The following MAGI2 variants were observed in gnomAD, a reference collection of about 807,000 sequenced individuals.
The protein encoded by MAGI2 is membrane associated guanylate kinase, WW and PDZ domain containing 2, also known as membrane-associated guanylate kinase, WW and PDZ domain-containing protein 2.
In MAGI2, 35 loss-of-function variants were observed where a neutral mutation model predicts 133.3. That is an observed-to-expected ratio of 0.26 (90% CI 0.20 to 0.35). The LOEUF (loss-of-function observed/expected upper bound fraction) is 0.35. Among genes scored for constraint, MAGI2 ranks in the 10% least tolerant of loss-of-function variants. The pLI is 1.00. For missense variants in MAGI2, 1,636 were observed against 1,863.4 expected (o/e 0.88, Z 2.25); for synonymous variants, 729 against 710.6 (o/e 1.03, Z -0.41).
intron 18 of MAGI2, among the ~76,000 whole-genome samples, chr7:78,129,900 A>G (rs1171763934): frequency 7.4e-6 from 1 of 135,726 alleles, no homozygotes; most frequent in African/African-American, 2.8e-5. Context: ...GCACCGTTGC[A>G]CTCCAGCCTG....
chr7:79,284,583 T>C (rs1835871425), intron 1 of MAGI2, among the ~76,000 whole-genome samples: 2 of 152,256 alleles, frequency 1.3e-5, no homozygotes, highest in African/African-American at 2.4e-5. Flanking sequence ...CATTAAATCA[T>C]AATGAAAATA....
At chr7:79,284,754 T>C (rs1179572878) in intron 1 of MAGI2, among the ~76,000 whole-genome samples, 1 of 152,116 alleles carries the variant, frequency 6.6e-6, no homozygotes, top group African/African-American at 2.4e-5. Flanking sequence ...CCAGAATCAT[T>C]TGCATACATA....
chr7:78,685,145 TCTC>T (rs1352551888), intron 2 of MAGI2, among the ~76,000 whole-genome samples: 1 of 152,192 alleles, frequency 6.6e-6, no homozygotes, highest in Admixed American at 6.5e-5. Context: ...TTTAATACCT[TCTC>T]CTGTCTGATT....
intron 6 of MAGI2, among the ~76,000 whole-genome samples, chr7:78,401,097 A>G (rs1453136352): frequency 3.9e-5 from 6 of 152,120 alleles, no homozygotes; most frequent in African/African-American, 1.4e-4. Context: ...CTAACTCTCA[A>G]GAGCCTTAGC....
At chr7:78,523,015 G>A (rs1021221520) in intron 3 of MAGI2, among the ~76,000 whole-genome samples, 1 of 152,110 alleles carries the variant, frequency 6.6e-6, no homozygotes, top group Non-Finnish European at 1.5e-5. Flanking sequence ...CAGGAAATAG[G>A]AGAAAGCACT....
intron 3 of MAGI2, among the ~76,000 whole-genome samples, chr7:78,560,472 T>C (rs1490864467): frequency 6.6e-6 from 1 of 152,182 alleles, no homozygotes; most frequent in Non-Finnish European, 1.5e-5. Context: ...TGGCAAAACG[T>C]AATCATTGGA....
chr7:78,955,700 C>T (rs916932198), intron 2 of MAGI2, among the ~76,000 whole-genome samples: 14 of 55,196 alleles, frequency 2.5e-4, no homozygotes, highest in African/African-American at 1.2e-3. Flanking sequence ...TTTCTCTCTC[C>T]CTTTCTTTCT....
chr7:79,245,448 C>T lies in MAGI2; in HGVS notation c.301+207572G>A, dbSNP rs776292822. Among the ~76,000 whole-genome samples the T allele has an allele frequency of 5.3e-5, 8 of 152,100 alleles. No homozygotes were observed. The South Asian group carries it at 6.2e-4, about 12-fold the overall frequency. On this transcript the variant is annotated intron_variant, in intron 1 of 21. Transcript: ENST00000354212. Reference sequence around the variant, plus strand: ...CCTGGCATCATTCACCAGAAGCTGACGGAAGGGCCCTTGGTCCTTGAATGA... The same window carrying T: ...CCTGGCATCATTCACCAGAAGCTGATGGAAGGGCCCTTGGTCCTTGAATGA...
intron 21 of MAGI2, among the ~76,000 whole-genome samples, chr7:78,071,901 G>A (rs1457718478): frequency 6.6e-6 from 1 of 152,208 alleles, no homozygotes; most frequent in African/African-American, 2.4e-5. Flanking sequence ...AAATGCAGGT[G>A]AATTAGTGCC....
chr7:78,481,181 T>C (rs1792332591), intron 6 of MAGI2, among the ~76,000 whole-genome samples: 1 of 151,958 alleles, frequency 6.6e-6, no homozygotes, highest in Non-Finnish European at 1.5e-5. Context: ...AACAACTTCC[T>C]GAGACTGGGT....
intron 3 of MAGI2, among the ~76,000 whole-genome samples, chr7:78,547,746 C>G (rs1411203894): frequency 6.6e-6 from 1 of 152,202 alleles, no homozygotes; most frequent in Non-Finnish European, 1.5e-5. Flanking sequence ...ACTGGAGTAT[C>G]CAGAGAAAAC....
At chr7:79,415,993 G>GA (rs1026341269) in intron 1 of MAGI2, among the ~76,000 whole-genome samples, 1 of 151,964 alleles carries the variant, frequency 6.6e-6, no homozygotes, top group Non-Finnish European at 1.5e-5. Flanking sequence ...TCGACAGCAA[G>GA]AAAAAAGAGT....
intron 2 of MAGI2, among the ~76,000 whole-genome samples, chr7:78,753,313 A>G (rs962388709): frequency 6.6e-6 from 1 of 152,158 alleles, no homozygotes; most frequent in African/African-American, 2.4e-5. Flanking sequence ...AGAGTAAAAA[A>G]TTTAGTATCT....
intron 2 of MAGI2, among the ~76,000 whole-genome samples, chr7:78,711,517 T>C (rs1819187121): frequency 6.6e-6 from 1 of 152,168 alleles, no homozygotes; most frequent in Non-Finnish European, 1.5e-5. Flanking sequence ...TTCCATTTTG[T>C]TCTTTTTTCC....
chr7:78,617,982 TTTTC>T (rs1807293000), intron 3 of MAGI2: 3 of 151,998 alleles, frequency 2.0e-5, no homozygotes, highest in African/African-American at 7.2e-5. Context: ...ATGTCTGCGG[TTTTC>T]TTTTTCAGAT....
At chr7:79,315,040 A>T (rs574857467) in intron 1 of MAGI2, among the ~76,000 whole-genome samples, 1 of 152,082 alleles carries the variant, frequency 6.6e-6, no homozygotes. Context: ...TTTGAGCTGG[A>T]TTTTCTATCA....
chr7:78,585,693 A>G (rs1408123226), intron 3 of MAGI2, among the ~76,000 whole-genome samples: 5 of 152,218 alleles, frequency 3.3e-5, no homozygotes, highest in South Asian at 4.1e-4. Context: ...CAATGGCAGC[A>G]TTATGTCTAG....
chr7:79,245,408 A>G (rs1041587157), intron 1 of MAGI2, among the ~76,000 whole-genome samples: 1 of 152,132 alleles, frequency 6.6e-6, no homozygotes, highest in Non-Finnish European at 1.5e-5. Flanking sequence ...GCTACCCTGA[A>G]GGGGGCGTTC....
intron 1 of MAGI2, among the ~76,000 whole-genome samples, chr7:79,058,057 C>G (rs1584811823): frequency 6.6e-6 from 1 of 151,062 alleles, no homozygotes; most frequent in South Asian, 2.1e-4. Flanking sequence ...ATAATTCATA[C>G]TTTTGAGAAA....
Sources: allele counts gnomAD v4.1 joint callset (sites outside exome capture counted in the v4.1 genomes callset), GRCh38; gene constraint gnomAD v4.1.1; transcripts MANE v1.5; gene names NCBI Gene and HGNC (gene_info 2026-07-23, HGNC 2026-07-21).